DYDC1: variants seen among roughly 807,000 people sequenced by gnomAD.
DYDC1 encodes the protein DPY30 domain-containing protein 1.
In DYDC1, 21 loss-of-function variants were observed where a neutral mutation model predicts 27.9. The observed-to-expected ratio is 0.75, with a 90% CI of 0.53 to 1.08. DYDC1 has a LOEUF of 1.08. DYDC1 is among the 50% of genes least tolerant of loss of function. The pLI is 0.00. For missense variants in DYDC1, 202 were observed against 205.9 expected (o/e 0.98, Z 0.12); for synonymous variants, 67 against 65.8 (o/e 1.02, Z -0.09).
At chr10:80,338,396 C>T in intron 6 of DYDC1, 71 bp downstream of exon 6, 1 of 1,585,490 alleles carries the variant, frequency 6.3e-7, no homozygotes, top group Middle Eastern at 1.7e-4. Context: ...TTTCCCTAGG[C>T]TTTACCTAAG....
chr10:80,352,589 A>G lies in DYDC1; in HGVS notation c.13T>C (p.Tyr5His), dbSNP rs571184324. 1.2e-6 allele frequency: 2 copies of G among 1,603,944 alleles called. No individual in the cohort carries two copies. Among genetic ancestry groups the G allele is most frequent in the Middle Eastern group, 1.7e-4 (1 of 6,020 alleles). ...CAGGCCCCAAGGTGCTTTTGAAGAT[A>G]TATTGACTCCATTTCTAACTCCTAA... is the stretch of plus-strand genomic sequence containing the variant. MESI[Y>H]LQKHLGACLT... is the part of the protein sequence containing the mutation. The change falls in exon 2 of 7, where the codon TAT becomes CAT. Residue 5 changes from tyrosine (Y) to histidine (H), a missense_variant. Transcript: ENST00000372202.
chr10:80,350,048 G>C (rs2132820339), intron 3 of DYDC1, among the ~76,000 whole-genome samples: 1 of 152,156 alleles, frequency 6.6e-6, no homozygotes, highest in Non-Finnish European at 1.5e-5. Context: ...AGGCCTCTCT[G>C]TTTTTCTTCA....
chr10:80,339,181 C>A, intron 4 of DYDC1, 28 bp from the exon 5 acceptor site: 3 of 959,594 alleles, frequency 3.1e-6, no homozygotes, highest in South Asian at 4.1e-5. Flanking sequence ...TAAGAAAATA[C>A]TTTGAATATA....
At chr10:80,350,269 T>G (rs912262241) in intron 3 of DYDC1, among the ~76,000 whole-genome samples, 15 of 152,214 alleles carry the variant, frequency 9.9e-5, no homozygotes, top group Admixed American at 1.3e-4. Context: ...TTGCTAGTAT[T>G]GCCAAATTAT....
At chr10:80,355,448 G>C (rs1334267444) in intron 1 of DYDC1, among the ~76,000 whole-genome samples, 1 of 152,026 alleles carries the variant, frequency 6.6e-6, no homozygotes, top group Non-Finnish European at 1.5e-5. Context: ...AATCACATAT[G>C]CATTCACCCT....
chr10:80,337,450 T>C, intron 6 of DYDC1: 1 of 985,092 alleles, frequency 1.0e-6, no homozygotes, highest in Non-Finnish European at 1.2e-6. Context: ...CCTAGATTAC[T>C]ACCTCCTAAG....
At chr10:80,343,351 T>C (rs1842418230) in intron 3 of DYDC1, among the ~76,000 whole-genome samples, 1 of 152,226 alleles carries the variant, frequency 6.6e-6, no homozygotes, top group South Asian at 2.1e-4. Flanking sequence ...AGACCACATG[T>C]GGTGCACTCA....
chr10:80,345,956 C>T (rs1842594859), intron 3 of DYDC1, among the ~76,000 whole-genome samples: 1 of 152,192 alleles, frequency 6.6e-6, no homozygotes, highest in South Asian at 2.1e-4. Flanking sequence ...ATCCTCCCAC[C>T]TCAGCTTCCT....
intron 3 of DYDC1, among the ~76,000 whole-genome samples, chr10:80,347,299 T>TGCTA (rs1842720300): frequency 1.4e-5 from 1 of 72,436 alleles, no homozygotes; most frequent in African/African-American, 5.0e-5. Context: ...TTTTTTTTTT[T>TGCTA]TTTTTTGCTA....
Position 80,351,832 on chromosome 10 carries a change from T to G in DYDC1, c.249+69A>C, listed in dbSNP as rs959733047. The G allele has an allele frequency of 9.1e-6, 13 of 1,422,576 alleles. No homozygotes were observed. In the African/African-American group the frequency reaches 1.7e-4, roughly 19 times the overall value. The allele number at this position is 1,422,576 out of a possible 1,614,324, so 88.1% of individuals were successfully genotyped here. ...CTGGAGCTGGGAAGTTTATCAACAT[T>G]TAGGCTGTGCCATGCTGAGGTTGGC... On this transcript the variant is annotated intron_variant, in intron 3 of 6. Coordinates refer to ENST00000372202, the MANE Select transcript of DYDC1 (RefSeq NM_001269053.2).
intron 3 of DYDC1, among the ~76,000 whole-genome samples, chr10:80,347,133 T>C (rs969644503): frequency 2.0e-5 from 3 of 151,960 alleles, no homozygotes; most frequent in Non-Finnish European, 4.4e-5. Flanking sequence ...TGGTATCTCA[T>C]AGTGGTTTTG....
intron 1 of DYDC1, among the ~76,000 whole-genome samples, chr10:80,353,078 A>G (rs139967477): frequency 1.9e-4 from 29 of 152,206 alleles, no homozygotes; most frequent in Non-Finnish European, 3.5e-4. Flanking sequence ...CCCTAACCCT[A>G]AAGACTACAC....
intron 4 of DYDC1, among the ~76,000 whole-genome samples, chr10:80,341,076 A>C (rs1215975738): frequency 6.6e-6 from 1 of 152,144 alleles, no homozygotes; most frequent in African/African-American, 2.4e-5. Flanking sequence ...TGTCTATAAA[A>C]CCTGCTTCTT....
rs1032729095 is a variant in DYDC1 at position 80,346,444 on chromosome 10, CTTTTTTTTTTTT to C, written c.250-4095_250-4084del. Among the ~76,000 whole-genome samples, 315 of 83,374 alleles carry C rather than the reference CTTTTTTTTTTTT, an allele frequency of 3.8e-3. 5 individuals carry two copies. Among genetic ancestry groups the C allele is most frequent in the African/African-American group, 0.014 (291 of 20,130 alleles). The allele number at this position is 83,374 out of a possible 152,430, so 54.7% of individuals were successfully genotyped here. A position where few individuals can be genotyped will look rare whatever the true frequency, so the allele number is the denominator to read the frequency against. ...TCACCAATGTGTGTCTCTTCCCTTT[CTTTTTTTTTTTT>C]TTTTTTTTTTTTTTTCTTTTTTGAG... On this transcript the variant is annotated intron_variant, in intron 3 of 6. Coordinates refer to ENST00000372202, the MANE Select transcript of DYDC1 (RefSeq NM_001269053.2).
At chr10:80,356,302 G>A (rs1843363856) in intron 1 of DYDC1, 1 of 985,494 alleles carries the variant, frequency 1.0e-6, no homozygotes, top group Non-Finnish European at 1.2e-6. Flanking sequence ...CACAGAAACA[G>A]CTGCCTCCAG....
chr10:80,342,343 G>A lies in DYDC1; in HGVS notation c.268C>T (p.Leu90=), dbSNP rs768490924. ...TCCTTTTCTTGCATTTCCAACTCTA[G>A]CTGCAATGCCAGCTGTTGCTGAATA... is the stretch of plus-strand genomic sequence containing the variant. ...LLQQQQLALQ[L]ELEMQEKERQ... Residue 90 remains leucine, a synonymous_variant, in exon 4 of 7, where the codon CTA becomes TTA. Coordinates refer to ENST00000372202, the MANE Select transcript of DYDC1 (RefSeq NM_001269053.2). The A allele has an allele frequency of 1.2e-6, 2 of 1,613,496 alleles. No individual in the cohort carries two copies. The highest frequency in any genetic ancestry group is 1.1e-5 in the South Asian group (1 of 91,068).
intron 6 of DYDC1, among the ~76,000 whole-genome samples, chr10:80,336,927 T>C (rs2132734301): frequency 6.6e-6 from 1 of 152,240 alleles, no homozygotes; most frequent in East Asian, 1.9e-4. Context: ...ACCAATCCTC[T>C]CTCCACCTTA....
At chr10:80,348,686 T>C (rs1245300815) in intron 3 of DYDC1, among the ~76,000 whole-genome samples, 1 of 152,198 alleles carries the variant, frequency 6.6e-6, no homozygotes, top group Non-Finnish European at 1.5e-5. Context: ...CAACCTTCAG[T>C]TGGAAGTGGC....
intron 1 of DYDC1, chr10:80,356,441 A>G (rs903764468): frequency 7.1e-6 from 7 of 984,960 alleles, no homozygotes; most frequent in Admixed American, 6.2e-5. Flanking sequence ...GTATCTGGCA[A>G]CCTCCCGGGG....
Sources: allele counts gnomAD v4.1 joint callset (sites outside exome capture counted in the v4.1 genomes callset), GRCh38; gene constraint gnomAD v4.1.1; transcripts MANE v1.5; gene names NCBI Gene and HGNC (gene_info 2026-07-23, HGNC 2026-07-21).